Variants in ARHGAP35 observed in about 807,000 individuals in gnomAD.
ARHGAP35 encodes rho GTPase-activating protein 35.
In ARHGAP35, 15 loss-of-function variants were observed where a neutral mutation model predicts 111.1. The ratio of observed to expected loss-of-function variants is 0.13; its 90% CI spans 0.09 to 0.21. The LOEUF is 0.21. Among genes scored for constraint, ARHGAP35 ranks in the 10% least tolerant of loss-of-function variants. ARHGAP35 has a pLI of 1.00. For synonymous variants in ARHGAP35, 643 were observed against 710.3 expected (o/e 0.91, Z 1.51); for missense variants, 1,262 against 1,873.0 (o/e 0.67, Z 6.02).
At chr19:46,972,926 G>A (rs2056558763) in intron 3 of ARHGAP35, among the ~76,000 whole-genome samples, 1 of 152,160 alleles carries the variant, frequency 6.6e-6, no homozygotes, top group Non-Finnish European at 1.5e-5. Flanking sequence ...GTGGAGTCCT[G>A]GCTACTCACA....
intron 2 of ARHGAP35, among the ~76,000 whole-genome samples, chr19:46,927,578 C>T (rs1036244154): frequency 2.0e-5 from 3 of 152,262 alleles, no homozygotes; most frequent in Non-Finnish European, 4.4e-5. Context: ...GGGGGACCCA[C>T]GCCAAATAAT....
chr19:46,934,007 G>A (rs1022766004), intron 2 of ARHGAP35, among the ~76,000 whole-genome samples: 3 of 152,162 alleles, frequency 2.0e-5, no homozygotes, highest in Non-Finnish European at 1.5e-5. Flanking sequence ...GAGGCTTTAA[G>A]GTGATTAGGA....
chr19:46,945,616 GTCGTC>G lies in ARHGAP35; in HGVS notation c.3826+8209_3826+8213del, dbSNP rs1188007323. Among the ~76,000 whole-genome samples, 1 of 152,144 alleles carries G rather than the reference GTCGTC, an allele frequency of 6.6e-6. No homozygotes were observed. The highest frequency in any genetic ancestry group is 1.5e-5 in the Non-Finnish European group (1 of 68,030). On this transcript the variant is annotated intron_variant, in intron 3 of 6. Coordinates refer to ENST00000672722, the MANE Select transcript of ARHGAP35 (RefSeq NM_004491.5). The surrounding 1 kb of genome is among the most constrained non-coding windows in gnomAD (Gnocchi z 4.1). ...GAACCCCCTGAGGCAGCTTCCAAGT[GTCGTC>G]ACACCTGCCCACCCGGGACGGTCTC...
chr19:46,943,284 C>A (rs1202451062), intron 3 of ARHGAP35, among the ~76,000 whole-genome samples: 7 of 152,180 alleles, frequency 4.6e-5, no homozygotes, highest in Non-Finnish European at 1.0e-4. Context: ...TCTTCAGCAT[C>A]CTCAGCTGCC....
chr19:46,953,318 AG>A (rs2122250827), intron 3 of ARHGAP35, among the ~76,000 whole-genome samples: 1 of 152,148 alleles, frequency 6.6e-6, no homozygotes, highest in East Asian at 1.9e-4. Context: ...ATTTTAGATA[AG>A]GAGGGCTGGG....
intron 2 of ARHGAP35, among the ~76,000 whole-genome samples, chr19:46,933,654 G>A (rs2056286701): frequency 6.6e-6 from 1 of 152,258 alleles, no homozygotes; most frequent in South Asian, 2.1e-4. Context: ...AATCTGGAGT[G>A]CTTGTAAAGA....
intron 1 of ARHGAP35, among the ~76,000 whole-genome samples, chr19:46,890,434 A>T (rs543258462): frequency 1.2e-4 from 18 of 152,366 alleles, no homozygotes; most frequent in African/African-American, 4.3e-4. Context: ...GTGGTCATAG[A>T]GAGATGAAAT....
chr19:46,883,620 G>A (rs1457314738), intron 1 of ARHGAP35, among the ~76,000 whole-genome samples: 1 of 152,196 alleles, frequency 6.6e-6, no homozygotes, highest in Non-Finnish European at 1.5e-5. Context: ...TTACCAAAAT[G>A]TGACATCAAG....
intron 1 of ARHGAP35, among the ~76,000 whole-genome samples, chr19:46,861,565 C>T (rs551556210): frequency 2.0e-5 from 3 of 151,644 alleles, no homozygotes; most frequent in Non-Finnish European, 2.9e-5. Flanking sequence ...CCCCTTCCAC[C>T]CCTCCATAAT....
rs10425259 is a variant in ARHGAP35, at chr19:46,989,218, G to A, written c.3905-326G>A. On this transcript the variant is annotated intron_variant, in intron 4 of 6. Coordinates refer to ENST00000672722, the MANE Select transcript of ARHGAP35 (RefSeq NM_004491.5). The surrounding 1 kb of genome is among the most constrained non-coding windows in gnomAD (Gnocchi z 5.3). ...CCGCCTCCTTCTTCTGTGATGGGAA[G>A]GGAGTAAGGAAGAGGCAACAGCATA... 88,816 of 198,538 alleles carry A rather than the reference G, an allele frequency of 0.45. 21,920 individuals are homozygous for A. Among genetic ancestry groups the A allele is most frequent in the African/African-American group, 0.68 (29,992 of 43,970 alleles). The allele number at this position is 198,538 out of a possible 1,614,324, so 12.3% of individuals were successfully genotyped here.
In ARHGAP35 at chr19:47,003,564, C is replaced by T. The variant is rs139116656; in HGVS notation, c.*2876C>T. The T allele has an allele frequency of 6.6e-6, 1 of 152,218 alleles. No homozygotes were observed. The highest frequency in any genetic ancestry group is 1.5e-5 in the Non-Finnish European group (1 of 68,072). The allele number at this position is 152,218 out of a possible 1,614,324, so 9.4% of individuals were successfully genotyped here. A position where few individuals can be genotyped will look rare whatever the true frequency, so the allele number is the denominator to read the frequency against. On this transcript the variant is annotated 3_prime_UTR_variant, in exon 7 of 7. Transcript: ENST00000672722. ...TTGGCTTGTGTCGCATACTGGGTGT[C>T]ACGGCACACATTTACTCTGCATTGT...
rs201866161 is a variant in ARHGAP35 at position 46,877,569 on chromosome 19, AAATAAC to A, written c.-189+16366_-189+16371del. Among the ~76,000 whole-genome samples, 926 of 152,334 alleles carry A rather than the reference AAATAAC, an allele frequency of 6.1e-3. 6 individuals carry two copies. The highest frequency in any genetic ancestry group is 0.021 in the African/African-American group (863 of 41,582). Reference sequence around the variant, plus strand: ...AAAAGAGCAAGACTCTTGTCTCAAAAAATAACAATAAATAAAAATTAAAAAATAAAA... The same window carrying A: ...AAAAGAGCAAGACTCTTGTCTCAAAAAATAAATAAAAATTAAAAAATAAAA... On this transcript the variant is annotated intron_variant, in intron 1 of 6. Coordinates refer to ENST00000672722, the MANE Select transcript of ARHGAP35 (RefSeq NM_004491.5).
At chr19:46,951,193 G>C (rs1486648537) in intron 3 of ARHGAP35, among the ~76,000 whole-genome samples, 1 of 152,226 alleles carries the variant, frequency 6.6e-6, no homozygotes, top group Non-Finnish European at 1.5e-5. Context: ...AGTGCTTTCT[G>C]CGTGGCAGAT....
chr19:46,885,050 G>A (rs1230790281), intron 1 of ARHGAP35, among the ~76,000 whole-genome samples: 1 of 152,170 alleles, frequency 6.6e-6, no homozygotes, highest in Non-Finnish European at 1.5e-5. Flanking sequence ...AAAGCTTGCG[G>A]AAGTTCTTTC....
At chr19:46,931,777 G>A (rs1231308437) in intron 2 of ARHGAP35, among the ~76,000 whole-genome samples, 2 of 152,178 alleles carry the variant, frequency 1.3e-5, no homozygotes, top group Admixed American at 1.3e-4. Flanking sequence ...AGGGGAAAGA[G>A]CATGGGGCTT....
rs1326040168 is a variant in ARHGAP35 at position 46,922,604 on chromosome 19, TGAG to T, written c.3681+252_3681+254del. ...AACAATAGTTAATTAATTAGCAAAA[TGAG>T]GAGATAATGCAGAACTTGTCAGTGT... On this transcript the variant is annotated intron_variant, in intron 2 of 6. Coordinates refer to ENST00000672722, the MANE Select transcript of ARHGAP35 (RefSeq NM_004491.5). The surrounding 1 kb of genome is among the most constrained non-coding windows in gnomAD (Gnocchi z 4.0). Among the ~76,000 whole-genome samples, 1 of 152,104 alleles carries T rather than the reference TGAG, an allele frequency of 6.6e-6. No individual in the cohort carries two copies. The highest frequency in any genetic ancestry group is 1.5e-5 in the Non-Finnish European group (1 of 68,012).
chr19:46,864,629 G>T (rs1386804380), intron 1 of ARHGAP35, among the ~76,000 whole-genome samples: 1 of 152,216 alleles, frequency 6.6e-6, no homozygotes, highest in Non-Finnish European at 1.5e-5. Flanking sequence ...ATATGAGACA[G>T]TGAAGAGGGC....
intron 2 of ARHGAP35, among the ~76,000 whole-genome samples, chr19:46,936,054 A>G (rs1486741790): frequency 2.0e-5 from 3 of 152,134 alleles, no homozygotes; most frequent in Non-Finnish European, 4.4e-5. Flanking sequence ...AATATTTGGC[A>G]GGCTGGGCAA....
chr19:46,962,080 G>A (rs1252506107), intron 3 of ARHGAP35, among the ~76,000 whole-genome samples: 1 of 152,202 alleles, frequency 6.6e-6, no homozygotes, highest in Non-Finnish European at 1.5e-5. Flanking sequence ...TGGAATGCTG[G>A]GATGTTTTGT....
Sources: allele counts gnomAD v4.1 joint callset (sites outside exome capture counted in the v4.1 genomes callset), GRCh38; gene constraint gnomAD v4.1.1; non-coding constraint Gnocchi (gnomAD v3.1); transcripts MANE v1.5; gene names NCBI Gene and HGNC (gene_info 2026-07-23, HGNC 2026-07-21).